The following SPOCK1 variants were observed in gnomAD, a reference collection of about 807,000 sequenced individuals.
SPOCK1 encodes testican-1.
In SPOCK1, 23 loss-of-function variants were observed where a neutral mutation model predicts 55.3. The observed-to-expected ratio is 0.42, with a 90% CI of 0.30 to 0.59. The LOEUF (loss-of-function observed/expected upper bound fraction) is 0.59, where lower values mean the gene tolerates loss of function less well. Among genes scored for constraint, SPOCK1 ranks in the 20% least tolerant of loss-of-function variants. The pLI is 0.22. For missense variants in SPOCK1, 499 were observed against 552.5 expected, an observed-to-expected ratio of 0.90 and a Z score of 0.97; for synonymous variants, 226 against 221.0, an observed-to-expected ratio of 1.02 and a Z score of -0.20.
At chr5:136,981,093 A>G (rs1580691578) in intron 9 of SPOCK1, among the ~76,000 whole-genome samples, 1 of 152,178 alleles carries the variant, frequency 6.6e-6, no homozygotes, top group East Asian at 1.9e-4. Context: ...ACCACATGGA[A>G]AACCCTTAGA....
intron 3 of SPOCK1, among the ~76,000 whole-genome samples, chr5:137,237,350 G>A (rs1215844780): frequency 1.3e-5 from 2 of 152,066 alleles, no homozygotes; most frequent in Non-Finnish European, 2.9e-5. Context: ...TCCCCTGAGA[G>A]CCCCCCATCT....
At chr5:137,185,743 A>G (rs1580796498) in intron 3 of SPOCK1, among the ~76,000 whole-genome samples, 1 of 152,136 alleles carries the variant, frequency 6.6e-6, no homozygotes, top group Non-Finnish European at 1.5e-5. Context: ...GGGGCAGAAA[A>G]CAGATGTGAG....
intron 2 of SPOCK1, among the ~76,000 whole-genome samples, chr5:137,410,454 C>T (rs757127): frequency 0.33 from 50,703 of 151,994 alleles, 8,547 homozygotes; most frequent in Middle Eastern, 0.45. Flanking sequence ...AGGCTGGCTG[C>T]AGGAAGCCAG....
At chr5:137,412,108 G>A (rs1752219961) in intron 2 of SPOCK1, among the ~76,000 whole-genome samples, 1 of 152,160 alleles carries the variant, frequency 6.6e-6, no homozygotes, top group Non-Finnish European at 1.5e-5. Flanking sequence ...TGGACTGCAC[G>A]AGCCCAATGC....
intron 3 of SPOCK1, among the ~76,000 whole-genome samples, chr5:137,181,034 A>G (rs1337782323): frequency 6.6e-6 from 1 of 152,180 alleles, no homozygotes; most frequent in African/African-American, 2.4e-5. Context: ...TCATCAGTTC[A>G]AGGGCCTTCT....
At chr5:137,197,629 A>C (rs956376868) in intron 3 of SPOCK1, among the ~76,000 whole-genome samples, 1 of 152,188 alleles carries the variant, frequency 6.6e-6, no homozygotes, top group Non-Finnish European at 1.5e-5. Flanking sequence ...TCCTTTAAAA[A>C]TTTTTTTAAG....
chr5:137,110,988 T>C (rs1423413278), intron 5 of SPOCK1, among the ~76,000 whole-genome samples: 1 of 152,070 alleles, frequency 6.6e-6, no homozygotes, highest in Non-Finnish European at 1.5e-5. Flanking sequence ...TCTCCTTTGT[T>C]AGAAAAATGT....
chr5:137,353,432 G>A (rs762860803), intron 2 of SPOCK1, among the ~76,000 whole-genome samples: 2 of 152,024 alleles, frequency 1.3e-5, no homozygotes, highest in Non-Finnish European at 2.9e-5. Context: ...ACAGGCTAAG[G>A]GAACCCACTG....
At chr5:137,338,162 C>T (rs1012877875) in intron 2 of SPOCK1, among the ~76,000 whole-genome samples, 2 of 151,768 alleles carry the variant, frequency 1.3e-5, no homozygotes, top group African/African-American at 4.8e-5. Context: ...AATGCTATCC[C>T]TTCCCCCACC....
intron 2 of SPOCK1, among the ~76,000 whole-genome samples, chr5:137,480,643 T>C (rs999034085): frequency 2.6e-5 from 4 of 151,806 alleles, no homozygotes; most frequent in African/African-American, 9.7e-5. Flanking sequence ...AGGGAGGAGA[T>C]TTATTAAGAT....
At chr5:137,011,665 A>G (rs1254689209) in intron 6 of SPOCK1, among the ~76,000 whole-genome samples, 1 of 152,220 alleles carries the variant, frequency 6.6e-6, no homozygotes, top group Non-Finnish European at 1.5e-5. Context: ...AATTGCACTG[A>G]TAATGTAATT....
intron 3 of SPOCK1, among the ~76,000 whole-genome samples, chr5:137,158,938 T>C (rs185964135): frequency 3.9e-5 from 6 of 152,268 alleles, no homozygotes; most frequent in Non-Finnish European, 8.8e-5. Flanking sequence ...TGGCTGCCCA[T>C]GGCTCCCAGC....
chr5:137,085,368 G>C (rs562436309), intron 5 of SPOCK1, among the ~76,000 whole-genome samples: 135 of 152,332 alleles, frequency 8.9e-4, no homozygotes, highest in African/African-American at 3.1e-3. Flanking sequence ...TGTGAGGCAA[G>C]AGCAGAAAGT....
chr5:137,148,081 G>C (rs568860478), intron 3 of SPOCK1, among the ~76,000 whole-genome samples: 1 of 152,168 alleles, frequency 6.6e-6, no homozygotes, highest in South Asian at 2.1e-4. Context: ...ACAGACCAGG[G>C]CCCTCAGTTT....
intron 1 of SPOCK1, 30 bp downstream of exon 1, chr5:137,499,149 T>C (rs957134917): frequency 6.6e-6 from 1 of 151,840 alleles, no homozygotes; most frequent in Admixed American, 6.6e-5. Flanking sequence ...CTACTCCAAG[T>C]TGGGGCGCGG....
At chr5:137,232,883 A>G (rs4976347) in intron 3 of SPOCK1, among the ~76,000 whole-genome samples, 125,516 of 152,242 alleles carry the variant, frequency 0.82, 51,832 homozygotes, top group Non-Finnish European at 0.85. Context: ...TACACTGTAA[A>G]TATAATACAA....
At position 137,471,640 on chromosome 5, in the gene SPOCK1, T is replaced by C. The variant is rs538062743; in HGVS notation, c.186+26733A>G. Among the ~76,000 whole-genome samples, 15 of 152,280 alleles carry C rather than the reference T, an allele frequency of 9.9e-5. No homozygotes were observed. In the South Asian group the frequency reaches 3.1e-3, roughly 32 times the overall value. ...GACCCTGGTGACTATTCTAAAGTAA[T>C]GTGAAAACCCAGAAGCAGTCCTTTC... On this transcript the variant is annotated intron_variant, in intron 2 of 10. Coordinates refer to ENST00000394945, the MANE Select transcript of SPOCK1 (RefSeq NM_004598.4).
intron 2 of SPOCK1, among the ~76,000 whole-genome samples, chr5:137,361,185 GCCAGCACCTTGACCTTGAACCTTCTAGCC>G (rs1750935718): frequency 6.6e-6 from 1 of 152,176 alleles, no homozygotes; most frequent in African/African-American, 2.4e-5. Flanking sequence ...AACTGAATCT[GCCAGCACCTTGACCTTGAACCTTCTAGCC>G]TCCAGAACTG....
chr5:137,019,952 T>C (rs1751535071), intron 6 of SPOCK1, among the ~76,000 whole-genome samples: 1 of 151,990 alleles, frequency 6.6e-6, no homozygotes, highest in Non-Finnish European at 1.5e-5. Context: ...CTTCCTTGTA[T>C]TGTCTGGGAG....
Sources: allele counts gnomAD v4.1 joint callset (sites outside exome capture counted in the v4.1 genomes callset), GRCh38; gene constraint gnomAD v4.1.1; transcripts MANE v1.5; gene names NCBI Gene and HGNC (gene_info 2026-07-23, HGNC 2026-07-21).